EPHA7: variants seen among roughly 807,000 people sequenced by gnomAD.
The protein encoded by EPHA7 is EPH receptor A7.
A neutral mutation model predicts 112.6 loss-of-function variants in EPHA7; 25 were observed. The observed-to-expected ratio is 0.22, with a 90% CI of 0.16 to 0.31. The LOEUF (loss-of-function observed/expected upper bound fraction) is 0.31, where lower values mean the gene tolerates loss of function less well. EPHA7 is among the 10% of genes least tolerant of loss of function. EPHA7 has a pLI of 1.00. For missense variants in EPHA7, 962 were observed against 1,212.6 expected, an observed-to-expected ratio of 0.79 and a Z score of 3.07; for synonymous variants, 437 against 406.5, an observed-to-expected ratio of 1.07 and a Z score of -0.90.
At chr6:93,385,122 A>G (rs1193223662) in intron 3 of EPHA7, among the ~76,000 whole-genome samples, 1 of 152,120 alleles carries the variant, frequency 6.6e-6, no homozygotes, top group African/African-American at 2.4e-5. Flanking sequence ...CTTACATAAA[A>G]TGGCACATTT....
intron 5 of EPHA7, among the ~76,000 whole-genome samples, chr6:93,341,735 G>A (rs2127921587): frequency 6.6e-6 from 1 of 151,894 alleles, no homozygotes; most frequent in East Asian, 1.9e-4. Context: ...GTTAGCTACA[G>A]TTAATAATTC....
chr6:93,406,187 A>G (rs1240205930), intron 3 of EPHA7, among the ~76,000 whole-genome samples: 1 of 151,634 alleles, frequency 6.6e-6, no homozygotes, highest in Admixed American at 6.6e-5. Context: ...AAAATTTTAC[A>G]TATTTGCTTT....
chr6:93,377,923 C>A (rs1322954873), intron 3 of EPHA7, among the ~76,000 whole-genome samples: 3 of 152,066 alleles, frequency 2.0e-5, no homozygotes, highest in African/African-American at 4.8e-5. Flanking sequence ...AACTAGACCC[C>A]TTGTAGGAAG....
chr6:93,260,440 T>C (rs1278392181), intron 9 of EPHA7: 1 of 641,300 alleles, frequency 1.6e-6, no homozygotes, highest in Non-Finnish European at 1.9e-6. Context: ...GATAGGCATA[T>C]ATTTGGTTAT....
At chr6:93,393,049 T>C (rs1777986718) in intron 3 of EPHA7, among the ~76,000 whole-genome samples, 1 of 151,952 alleles carries the variant, frequency 6.6e-6, no homozygotes, top group African/African-American at 2.4e-5. Context: ...TTTCATTAAA[T>C]AATCATATGT....
chr6:93,313,503 T>A (rs1049007418), intron 5 of EPHA7, among the ~76,000 whole-genome samples: 2 of 151,622 alleles, frequency 1.3e-5, no homozygotes, highest in Non-Finnish European at 2.9e-5. Context: ...AAACAATATA[T>A]GTTTTAAAAG....
chr6:93,404,255 A>C (rs1778579209), intron 3 of EPHA7, among the ~76,000 whole-genome samples: 2 of 152,090 alleles, frequency 1.3e-5, no homozygotes. Flanking sequence ...TGACAAAGCA[A>C]GTGAAATATT....
chr6:93,387,037 G>A (rs1777641282), intron 3 of EPHA7, among the ~76,000 whole-genome samples: 1 of 152,070 alleles, frequency 6.6e-6, no homozygotes, highest in African/African-American at 2.4e-5. Context: ...CATTATCTTG[G>A]CAACTAACAT....
chr6:93,419,481 GT>G lies in EPHA7; in HGVS notation c.-141del. 1.6e-6 allele frequency: 1 copy of G among 635,178 alleles called. No homozygotes were observed. The highest frequency in any genetic ancestry group is 2.6e-6 in the Non-Finnish European group (1 of 379,546). 39.3% of individuals were successfully genotyped at this position (635,178 alleles called of 1,614,324 possible). A position where few individuals can be genotyped will look rare whatever the true frequency, so the allele number is the denominator to read the frequency against. ...CTCGGTCCCCGATCGGCTGCTCCAC[GT>G]TTAGCTTTTTTTAATTTCCCCCCCA... On this transcript the variant is annotated 5_prime_UTR_variant, in exon 1 of 17. Transcript: ENST00000369303.
At chr6:93,284,724 T>C (rs2127828615) in intron 5 of EPHA7, among the ~76,000 whole-genome samples, 1 of 152,262 alleles carries the variant, frequency 6.6e-6, no homozygotes, top group South Asian at 2.1e-4. Context: ...GAAACCATCA[T>C]TCTCAGAAAA....
intron 5 of EPHA7, among the ~76,000 whole-genome samples, chr6:93,280,634 TC>T (rs748446348): frequency 6.6e-6 from 1 of 152,154 alleles, no homozygotes; most frequent in Non-Finnish European, 1.5e-5. Flanking sequence ...AGAAAGCTAG[TC>T]CGTGGCTTAT....
At chr6:93,343,290 C>G (rs987621897) in intron 5 of EPHA7, among the ~76,000 whole-genome samples, 1 of 151,408 alleles carries the variant, frequency 6.6e-6, no homozygotes, top group Non-Finnish European at 1.5e-5. Flanking sequence ...ATGTTTTAAC[C>G]TAGTTCTAAG....
intron 3 of EPHA7, among the ~76,000 whole-genome samples, chr6:93,409,045 T>C (rs936233691): frequency 1.1e-4 from 16 of 152,146 alleles, no homozygotes; most frequent in African/African-American, 3.6e-4. Context: ...CACATCTCAA[T>C]GTTTAATAGT....
At chr6:93,293,178 T>C (rs1255012881) in intron 5 of EPHA7, among the ~76,000 whole-genome samples, 2 of 151,558 alleles carry the variant, frequency 1.3e-5, no homozygotes, top group Non-Finnish European at 2.9e-5. Flanking sequence ...CCCATATATA[T>C]ATATATAATT....
In EPHA7 at chr6:93,414,439, G is replaced by T. The variant is rs351329; in HGVS notation, c.162+264C>A. On this transcript the variant is annotated intron_variant, in intron 2 of 16. Transcript: ENST00000369303. ...TCCCTGTAATTAGTTAGCATTTACAGCCTGGACCCTGAGGTATGATTCCAC... is the reference window on the plus strand; with the variant it reads ...TCCCTGTAATTAGTTAGCATTTACATCCTGGACCCTGAGGTATGATTCCAC... Among the ~76,000 whole-genome samples, 48,878 of 151,612 alleles carry T rather than the reference G, an allele frequency of 0.32. 8,669 individuals carry two copies. Among genetic ancestry groups the T allele is most frequent in the East Asian group, 0.41 (2,103 of 5,130 alleles).
intron 3 of EPHA7, among the ~76,000 whole-genome samples, chr6:93,390,644 T>C (rs1338759671): frequency 6.6e-6 from 1 of 151,346 alleles, no homozygotes; most frequent in African/African-American, 2.4e-5. Context: ...ATTGTAACAA[T>C]TAGAGTGTCT....
chr6:93,324,730 G>C (rs559061918), intron 5 of EPHA7, among the ~76,000 whole-genome samples: 1 of 151,374 alleles, frequency 6.6e-6, no homozygotes, highest in Non-Finnish European at 1.5e-5. Flanking sequence ...CCTTCAACAC[G>C]TATACAGAGA....
At chr6:93,362,349 T>C (rs1307601608) in intron 3 of EPHA7, among the ~76,000 whole-genome samples, 3 of 152,080 alleles carry the variant, frequency 2.0e-5, no homozygotes, top group Non-Finnish European at 4.4e-5. Flanking sequence ...ATTACTGTTA[T>C]GAAATAAATG....
At chr6:93,396,504 CCTGA>C (rs1398060124) in intron 3 of EPHA7, among the ~76,000 whole-genome samples, 4 of 151,976 alleles carry the variant, frequency 2.6e-5, no homozygotes, top group Admixed American at 6.6e-5. Context: ...TGCTTGAGAT[CCTGA>C]CTGTGAGCTC....
Sources: gnomAD v4.1 joint callset for allele counts (sites outside exome capture counted in the v4.1 genomes callset) on GRCh38, gnomAD v4.1.1 for gene constraint, MANE v1.5 for transcripts, NCBI Gene and HGNC (gene_info 2026-07-23, HGNC 2026-07-21) for gene names.